RBBP4: variants seen among roughly 807,000 people sequenced by gnomAD.
RBBP4 encodes RB binding protein 4, chromatin remodeling factor, also known as histone-binding protein RBBP4.
Under a neutral mutation model 57.2 loss-of-function variants are expected in RBBP4, and 3 were observed. The ratio of observed to expected loss-of-function variants is 0.05; its 90% CI spans 0.02 to 0.14. The LOEUF (loss-of-function observed/expected upper bound fraction) is 0.14. Among genes scored for constraint, RBBP4 ranks in the 10% least tolerant of loss-of-function variants. RBBP4 has a pLI of 1.00. For missense variants in RBBP4, 107 were observed against 520.6 expected (o/e 0.21, Z 7.73); for synonymous variants, 151 against 171.5 (o/e 0.88, Z 0.93).
At chr1:32,658,763 G>T (rs934345281) in intron 3 of RBBP4, among the ~76,000 whole-genome samples, 2 of 151,718 alleles carry the variant, frequency 1.3e-5, no homozygotes, top group Non-Finnish European at 2.9e-5. Context: ...GGTCAGGCTG[G>T]TCTCGAACTC....
chr1:32,665,208 A>C (rs923463338), intron 3 of RBBP4, among the ~76,000 whole-genome samples: 2 of 152,160 alleles, frequency 1.3e-5, no homozygotes, highest in African/African-American at 4.8e-5. Flanking sequence ...GGAGTTATGG[A>C]AAAAATTAGG....
chr1:32,668,427 A>G (rs1648742967), intron 4 of RBBP4, 29 bp downstream of exon 4: 2 of 1,531,980 alleles, frequency 1.3e-6, no homozygotes, highest in Non-Finnish European at 1.8e-6. Context: ...TCAAATACAA[A>G]TGAGTCACTA....
At position 32,669,362 on chromosome 1, in the gene RBBP4, GT is replaced by G; in HGVS notation, c.888+8del. ...GCCACAGGATCAGCTGACAAGGTCA[GT>G]TTCGTTTATTTTAATAGAAAACATA... On this transcript the variant is annotated splice_donor_region_variant and intron_variant, in intron 7 of 11. Coordinates refer to ENST00000373493, the MANE Select transcript of RBBP4 (RefSeq NM_005610.3). The surrounding 1 kb of genome is among the most constrained non-coding windows in gnomAD (Gnocchi z 4.9). 1.9e-6 allele frequency: 3 copies of G among 1,592,606 alleles called. No individual in the cohort carries two copies. Among genetic ancestry groups the G allele is most frequent in the Non-Finnish European group, 2.6e-6 (3 of 1,174,998 alleles).
chr1:32,665,688 A>T (rs1341606095), intron 3 of RBBP4, among the ~76,000 whole-genome samples: 1 of 151,428 alleles, frequency 6.6e-6, no homozygotes, highest in East Asian at 1.9e-4. Flanking sequence ...TAAAAAAAAA[A>T]AAAAAAAGCA....
chr1:32,660,131 G>A (rs147372385), intron 3 of RBBP4, among the ~76,000 whole-genome samples: 47 of 152,120 alleles, frequency 3.1e-4, no homozygotes, highest in Admixed American at 7.2e-4. Flanking sequence ...TTTTTTGCCC[G>A]TATTTCCTTT....
At chr1:32,677,825 C>G (rs1381205460) in intron 11 of RBBP4, among the ~76,000 whole-genome samples, 1 of 152,142 alleles carries the variant, frequency 6.6e-6, no homozygotes, top group Non-Finnish European at 1.5e-5. Context: ...AGATCACAAG[C>G]TCTTTGAAGG....
Position 32,684,015 on chromosome 1 carries a change from G to A in RBBP4, c.*4310G>A. ...CTTCTCTTCACAAAGATCACCTTGA[G>A]ACTGTGTCTCCATTCCACCTGCCTG... is the stretch of plus-strand genomic sequence containing the variant. On this transcript the variant is annotated 3_prime_UTR_variant, in exon 12 of 12. Transcript: ENST00000373493. 2.5e-6 allele frequency: 4 copies of A among 1,614,008 alleles called. No individual in the cohort carries two copies. The highest frequency in any genetic ancestry group is 1.3e-5 in the African/African-American group (1 of 75,050).
intron 11 of RBBP4, among the ~76,000 whole-genome samples, chr1:32,674,646 G>A (rs996490363): frequency 1.3e-5 from 2 of 151,898 alleles, no homozygotes; most frequent in African/African-American, 4.8e-5. Context: ...TTAAGTTCCA[G>A]GGAATAGTTT....
chr1:32,664,789 T>C (rs1346342692), intron 3 of RBBP4, among the ~76,000 whole-genome samples: 1 of 152,130 alleles, frequency 6.6e-6, no homozygotes, highest in African/African-American at 2.4e-5. Context: ...TTTGCAGTTG[T>C]ATATGTGCAT....
intron 3 of RBBP4, among the ~76,000 whole-genome samples, chr1:32,664,146 TC>T (rs1648547618): frequency 6.6e-6 from 1 of 152,084 alleles, no homozygotes; most frequent in South Asian, 2.1e-4. Flanking sequence ...GCCAGCATAG[TC>T]TTGATCTCCT....
At chr1:32,654,954 C>T (rs1003269345) in intron 2 of RBBP4, among the ~76,000 whole-genome samples, 1 of 152,180 alleles carries the variant, frequency 6.6e-6, no homozygotes, top group East Asian at 1.9e-4. Context: ...TTCGGCCTCC[C>T]AAAGTGCTGG....
At chr1:32,653,751 C>T (rs1260453118) in intron 2 of RBBP4, among the ~76,000 whole-genome samples, 1 of 141,520 alleles carries the variant, frequency 7.1e-6, no homozygotes, top group Admixed American at 7.7e-5. Flanking sequence ...CTCCGCCTCC[C>T]GGGTTCACGC....
Position 32,682,129 on chromosome 1 carries a change from CGTT to C in RBBP4, c.*2427_*2429del, listed in dbSNP as rs1414229650. The C allele has an allele frequency of 2.3e-6, 1 of 443,832 alleles. No individual in the cohort carries two copies. Among genetic ancestry groups the C allele is most frequent in the Non-Finnish European group, 4.1e-6 (1 of 244,736 alleles). 27.5% of individuals were successfully genotyped at this position (443,832 alleles called of 1,614,324 possible). A position where few individuals can be genotyped will look rare whatever the true frequency, so the allele number is the denominator to read the frequency against. On this transcript the variant is annotated 3_prime_UTR_variant, in exon 12 of 12. Coordinates refer to ENST00000373493, the MANE Select transcript of RBBP4 (RefSeq NM_005610.3). ...TGTAGTTTCATTTCTTTGGATTAGT[CGTT>C]GTCTTTTCCAGATTGTACACAATCT...
intron 3 of RBBP4, among the ~76,000 whole-genome samples, chr1:32,667,202 T>C (rs922233058): frequency 6.6e-6 from 1 of 152,258 alleles, no homozygotes; most frequent in Non-Finnish European, 1.5e-5. Context: ...TCAGTGGTCA[T>C]GCTCCTTGTC....
chr1:32,651,349 G>C (rs1647599258), intron 1 of RBBP4, 27 bp downstream of exon 1: 3 of 1,442,944 alleles, frequency 2.1e-6, no homozygotes, highest in Admixed American at 5.9e-5. Context: ...CGACCCAGGA[G>C]GGCAGTGGGT....
Position 32,684,366 on chromosome 1 carries a change from A to G in RBBP4, c.*4661A>G, listed in dbSNP as rs1304213731. On this transcript the variant is annotated 3_prime_UTR_variant, in exon 12 of 12. Coordinates refer to ENST00000373493, the MANE Select transcript of RBBP4 (RefSeq NM_005610.3). ...TCTTAACTGCCTCTGGCGTTCTTCC[A>G]TTTCCTCCAGCTGTTCCTGCATGAG... 2 of 1,614,072 alleles carry G rather than the reference A, an allele frequency of 1.2e-6. No homozygotes were observed. Among genetic ancestry groups the G allele is most frequent in the Non-Finnish European group, 1.7e-6 (2 of 1,180,022 alleles).
At chr1:32,670,048 T>TA (rs1342533382) in intron 8 of RBBP4, among the ~76,000 whole-genome samples, 7 of 152,224 alleles carry the variant, frequency 4.6e-5, no homozygotes, top group African/African-American at 1.7e-4. Flanking sequence ...ATTGACCACT[T>TA]ACATTCTTCA....
chr1:32,679,450 A>C (rs1174088409), intron 11 of RBBP4, among the ~76,000 whole-genome samples, 190 bp from the exon 12 acceptor site: 1 of 152,216 alleles, frequency 6.6e-6, no homozygotes, highest in Non-Finnish European at 1.5e-5. Context: ...CATGCTAATT[A>C]ATATTTCATT....
intron 4 of RBBP4, 137 bp downstream of exon 4, chr1:32,668,535 C>A: frequency 9.5e-7 from 1 of 1,048,930 alleles, no homozygotes; most frequent in Non-Finnish European, 1.4e-6. Context: ...TATTTTTCTT[C>A]ATTTTGCCTC....
Sources: allele counts gnomAD v4.1 joint callset (sites outside exome capture counted in the v4.1 genomes callset), GRCh38; gene constraint gnomAD v4.1.1; non-coding constraint Gnocchi (gnomAD v3.1); transcripts MANE v1.5; gene names NCBI Gene and HGNC (gene_info 2026-07-23, HGNC 2026-07-21).